Variants in SNTG1 observed in about 807,000 individuals in gnomAD.
SNTG1 encodes the protein syntrophin gamma 1, also known as gamma-1-syntrophin.
A neutral mutation model predicts 74.7 loss-of-function variants in SNTG1; 39 were observed. The ratio of observed to expected loss-of-function variants is 0.52; its 90% CI spans 0.40 to 0.68. The LOEUF (loss-of-function observed/expected upper bound fraction) is 0.68, where lower values mean the gene tolerates loss of function less well. Among genes scored for constraint, SNTG1 ranks in the 30% least tolerant of loss-of-function variants. The probability of loss-of-function intolerance (pLI) is 0.00; values close to 1 mark genes in which losing one functional copy is unlikely to be tolerated. For missense variants in SNTG1, 685 were observed against 609.5 expected (o/e 1.12, Z -1.30); for synonymous variants, 254 against 217.1 (o/e 1.17, Z -1.49).
intron 13 of SNTG1, among the ~76,000 whole-genome samples, chr8:50,622,281 A>C (rs1161661572): frequency 6.6e-6 from 1 of 152,226 alleles, no homozygotes; most frequent in African/African-American, 2.4e-5. Context: ...TTTAGTAAAC[A>C]CTTGCTGAAT....
chr8:50,789,713 C>T (rs1390882671), intron 18 of SNTG1, among the ~76,000 whole-genome samples: 5 of 151,970 alleles, frequency 3.3e-5, no homozygotes, highest in Non-Finnish European at 7.4e-5. Flanking sequence ...TGTAACTTCT[C>T]CTTCTTTCAA....
intron 1 of SNTG1, among the ~76,000 whole-genome samples, chr8:49,950,250 G>A (rs747123163): frequency 5.3e-5 from 8 of 152,128 alleles, no homozygotes; most frequent in Non-Finnish European, 1.0e-4. Flanking sequence ...AATGTTGCTT[G>A]CTTAATTTCT....
chr8:50,395,539 T>A (rs1405310140), intron 3 of SNTG1, among the ~76,000 whole-genome samples: 1 of 143,122 alleles, frequency 7.0e-6, no homozygotes, highest in Non-Finnish European at 1.5e-5. Context: ...AGTCTCACTC[T>A]GTCGCCCAGG....
intron 2 of SNTG1, among the ~76,000 whole-genome samples, chr8:50,305,674 T>A (rs1208484929): frequency 2.0e-5 from 3 of 152,030 alleles, no homozygotes; most frequent in African/African-American, 4.8e-5. Context: ...TTACTTTTTT[T>A]AATAATACCT....
intron 18 of SNTG1, among the ~76,000 whole-genome samples, chr8:50,762,225 A>C (rs998194065): frequency 1.7e-4 from 26 of 152,134 alleles, no homozygotes; most frequent in African/African-American, 6.0e-4. Flanking sequence ...TGAAAAGTTG[A>C]ACATTACTAA....
intron 2 of SNTG1, among the ~76,000 whole-genome samples, chr8:50,353,755 A>C (rs1438043261): frequency 1.3e-5 from 2 of 152,228 alleles, no homozygotes; most frequent in East Asian, 3.8e-4. Flanking sequence ...GTTCAACCAC[A>C]AAACCCACAC....
At chr8:50,495,950 G>A (rs762446022) in intron 8 of SNTG1, among the ~76,000 whole-genome samples, 1 of 152,052 alleles carries the variant, frequency 6.6e-6, no homozygotes, top group Admixed American at 6.6e-5. Flanking sequence ...CCTGTAAAAA[G>A]CCAAGTTCTT....
chr8:50,030,936 C>A (rs1817694460), intron 1 of SNTG1, among the ~76,000 whole-genome samples: 1 of 151,836 alleles, frequency 6.6e-6, no homozygotes. Flanking sequence ...AGAGAATTGA[C>A]ATATTTACTA....
chr8:50,756,528 A>G (rs59505893), intron 18 of SNTG1, among the ~76,000 whole-genome samples: 3,022 of 151,692 alleles, frequency 0.02, 96 homozygotes, highest in African/African-American at 0.065. Context: ...AACAGGCTAT[A>G]TTTACTCCAT....
intron 11 of SNTG1, among the ~76,000 whole-genome samples, chr8:50,549,419 G>A (rs184829062): frequency 5.3e-5 from 8 of 152,170 alleles, no homozygotes; most frequent in Non-Finnish European, 1.0e-4. Context: ...ATGAGTCAAT[G>A]TTCTGTCCTC....
chr8:50,604,841 G>A (rs1008529952), intron 13 of SNTG1, among the ~76,000 whole-genome samples: 3 of 152,126 alleles, frequency 2.0e-5, no homozygotes, highest in Non-Finnish European at 4.4e-5. Flanking sequence ...ACAACAGCTG[G>A]AAATGTACTA....
At chr8:50,430,536 A>G (rs1372479297) in intron 4 of SNTG1, among the ~76,000 whole-genome samples, 1 of 152,194 alleles carries the variant, frequency 6.6e-6, no homozygotes, top group Non-Finnish European at 1.5e-5. Flanking sequence ...ATGTACTGTG[A>G]AAGGGCCATT....
At chr8:50,111,029 T>G (rs1303892235) in intron 1 of SNTG1, among the ~76,000 whole-genome samples, 1 of 152,206 alleles carries the variant, frequency 6.6e-6, no homozygotes, top group African/African-American at 2.4e-5. Context: ...CAAGTTGTAA[T>G]GTGATGACTT....
chr8:50,012,212 G>A (rs1188268761), intron 1 of SNTG1, among the ~76,000 whole-genome samples: 1 of 152,120 alleles, frequency 6.6e-6, no homozygotes, highest in East Asian at 1.9e-4. Flanking sequence ...CTTTTTTTGT[G>A]GACGTTGCCT....
chr8:50,212,998 T>G (rs1346424511), intron 2 of SNTG1, among the ~76,000 whole-genome samples: 1 of 152,176 alleles, frequency 6.6e-6, no homozygotes, highest in East Asian at 1.9e-4. Flanking sequence ...TAAACTCCAT[T>G]TGGAAATAAC....
At chr8:50,407,523 G>C (rs941565782) in intron 4 of SNTG1, among the ~76,000 whole-genome samples, 2 of 152,252 alleles carry the variant, frequency 1.3e-5, no homozygotes, top group South Asian at 2.1e-4. Context: ...CCCCACAATA[G>C]GGAGGAAGTT....
intron 2 of SNTG1, among the ~76,000 whole-genome samples, chr8:50,352,050 C>T (rs942579068): frequency 6.6e-6 from 1 of 152,128 alleles, no homozygotes; most frequent in Non-Finnish European, 1.5e-5. Context: ...GCACATGAAG[C>T]ATAACCATGC....
chr8:50,204,321 GA>G (rs1227108385), intron 2 of SNTG1, among the ~76,000 whole-genome samples: 3 of 151,992 alleles, frequency 2.0e-5, no homozygotes, highest in African/African-American at 7.3e-5. Context: ...ATATGGCACT[GA>G]AATGAATTGT....
chr8:50,475,193 G>A (rs142303073), intron 8 of SNTG1, among the ~76,000 whole-genome samples: 8,169 of 151,368 alleles, frequency 0.054, 333 homozygotes, highest in South Asian at 0.18. Context: ...AAACCTGCAC[G>A]TTGTGCATAT....
Sources: gnomAD v4.1 joint callset for allele counts (sites outside exome capture counted in the v4.1 genomes callset) on GRCh38, gnomAD v4.1.1 for gene constraint, MANE v1.5 for transcripts, NCBI Gene and HGNC (gene_info 2026-07-23, HGNC 2026-07-21) for gene names.